The following BCAS3 variants were observed in gnomAD, a reference collection of about 807,000 sequenced individuals.
BCAS3 encodes BCAS3 microtubule associated cell migration factor, also known as BCAS4/BCAS3 fusion.
A neutral mutation model predicts 116.1 loss-of-function variants in BCAS3; 53 were observed. That is an observed-to-expected ratio of 0.46 (90% CI 0.37 to 0.57). The LOEUF (loss-of-function observed/expected upper bound fraction) is 0.57. Among genes scored for constraint, BCAS3 ranks in the 20% least tolerant of loss-of-function variants. The pLI is 0.00. For missense variants in BCAS3, 917 were observed against 1,165.4 expected (o/e 0.79, Z 3.10); for synonymous variants, 391 against 408.2 (o/e 0.96, Z 0.51).
At chr17:60,752,155 G>GGTGTGTGT (rs55713453) in intron 6 of BCAS3, among the ~76,000 whole-genome samples, 41 of 144,748 alleles carry the variant, frequency 2.8e-4, no homozygotes, top group Admixed American at 1.3e-3. Flanking sequence ...TTGGCTGAAG[G>GGTGTGTGT]GTGTGTGTGT....
intron 6 of BCAS3, among the ~76,000 whole-genome samples, chr17:60,752,148 G>T (rs1319994747): frequency 7.6e-6 from 1 of 131,592 alleles, no homozygotes; most frequent in Non-Finnish European, 1.6e-5. Context: ...ACATGTATTG[G>T]CTGAAGGGTG....
chr17:60,725,377 C>T (rs1239414746), intron 5 of BCAS3, among the ~76,000 whole-genome samples: 1 of 152,166 alleles, frequency 6.6e-6, no homozygotes, highest in African/African-American at 2.4e-5. Context: ...GCCCTTCTTG[C>T]TAACATCTAT....
Position 61,007,354 on chromosome 17 carries a change from C to G in BCAS3, c.1487-8397C>G, listed in dbSNP as rs1251686050. Among the ~76,000 whole-genome samples, 1 of 151,952 alleles carries G rather than the reference C, an allele frequency of 6.6e-6. No individual in the cohort carries two copies. Among genetic ancestry groups the G allele is most frequent in the Non-Finnish European group, 1.5e-5 (1 of 67,950 alleles). On this transcript the variant is annotated intron_variant, in intron 15 of 23. Coordinates refer to ENST00000407086, the MANE Select transcript of BCAS3 (RefSeq NM_017679.5). The surrounding 1 kb of genome is among the most constrained non-coding windows in gnomAD (Gnocchi z 4.3). ...CTTGCTGTACTTAGAATTTTAGCAACAGGAATTATTTCTTTATGACTTTTA... is the reference window on the plus strand; with the variant it reads ...CTTGCTGTACTTAGAATTTTAGCAAGAGGAATTATTTCTTTATGACTTTTA...
In BCAS3 at chr17:61,044,465, A is replaced by AAAAAAAAAAAAAATATAT; in HGVS notation, c.2029+3574_2029+3575insAAAAAAAAAAAATATATA. 1.5e-3 allele frequency among the ~76,000 whole-genome samples: 180 copies of AAAAAAAAAAAAAATATAT among 120,036 alleles called. 1 individual carries two copies. Among genetic ancestry groups the AAAAAAAAAAAAAATATAT allele is most frequent in the African/African-American group, 8.6e-3 (172 of 19,974 alleles). The allele number at this position is 120,036 out of a possible 152,430, so 78.7% of individuals were successfully genotyped here. A position where few individuals can be genotyped will look rare whatever the true frequency, so the allele number is the denominator to read the frequency against. ...CTGTCTCAAAAAAAAAAAAAAAAAA[A>AAAAAAAAAAAAAATATAT]ATATATATATATATGCCATAAGAAC... On this transcript the variant is annotated intron_variant, in intron 19 of 23. Transcript: ENST00000407086.
At position 61,309,227 on chromosome 17, in the gene BCAS3, C is replaced by G. The variant is rs1414056301; in HGVS notation, c.2426-59100C>G. 3.9e-5 allele frequency among the ~76,000 whole-genome samples: 6 copies of G among 152,218 alleles called. No homozygotes were observed. Among genetic ancestry groups the G allele is most frequent in the Non-Finnish European group, 7.3e-5 (5 of 68,038 alleles). On this transcript the variant is annotated intron_variant, in intron 22 of 23. Coordinates refer to ENST00000407086, the MANE Select transcript of BCAS3 (RefSeq NM_017679.5). This position sits in a 1 kb window ranked among gnomAD's most constrained non-coding sequence, Gnocchi z 4.6. ...ACGTATAAGGGAATTAGATAACTCT[C>G]TACGTGATTTGCAAACACCTCAAAA...
chr17:60,790,584 C>G (rs563819801), intron 6 of BCAS3, among the ~76,000 whole-genome samples: 1 of 152,116 alleles, frequency 6.6e-6, no homozygotes, highest in East Asian at 1.9e-4. Context: ...AATGGCACAC[C>G]ATGTACAGTA....
chr17:60,930,914 G>A (rs986765481), intron 13 of BCAS3, among the ~76,000 whole-genome samples: 1 of 152,180 alleles, frequency 6.6e-6, no homozygotes, highest in African/African-American at 2.4e-5. Context: ...ACTGCAAAAC[G>A]AATTTAGGAG....
At chr17:60,999,546 C>CAAAAAAA (rs1021249439) in intron 15 of BCAS3, among the ~76,000 whole-genome samples, 1 of 62,854 alleles carries the variant, frequency 1.6e-5, no homozygotes, top group Non-Finnish European at 3.9e-5. Context: ...GACTGTGTCT[C>CAAAAAAA]AAAAAAAAAA....
Position 61,268,434 on chromosome 17 carries a change from T to A in BCAS3, c.2426-99893T>A, listed in dbSNP as rs368671370. On this transcript the variant is annotated intron_variant, in intron 22 of 23. Coordinates refer to ENST00000407086, the MANE Select transcript of BCAS3 (RefSeq NM_017679.5). ...TTAAATTGTCATATAAAAGAAAATA[T>A]AACATTATCATCTTAAGTGTCCACT... 1.4e-4 allele frequency among the ~76,000 whole-genome samples: 21 copies of A among 152,296 alleles called. No homozygotes were observed. The East Asian group carries it at 3.5e-3, about 25-fold the overall frequency.
At position 61,349,419 on chromosome 17, in the gene BCAS3, G is replaced by A. The variant is rs1352388596; in HGVS notation, c.2426-18908G>A. ...GGATGGAAATGCTAACCCACTGACC[G>A]AACAGAGTTTCTGAACAACTGAGTG... On this transcript the variant is annotated intron_variant, in intron 22 of 23. Coordinates refer to ENST00000407086, the MANE Select transcript of BCAS3 (RefSeq NM_017679.5). This position sits in a 1 kb window ranked among gnomAD's most constrained non-coding sequence, Gnocchi z 4.7. Among the ~76,000 whole-genome samples the A allele has an allele frequency of 1.3e-5, 2 of 152,136 alleles. No individual in the cohort carries two copies. The highest frequency in any genetic ancestry group is 2.4e-5 in the African/African-American group (1 of 41,426).
chr17:61,262,528 G>A (rs1270083477), intron 22 of BCAS3, among the ~76,000 whole-genome samples: 12 of 151,968 alleles, frequency 7.9e-5, no homozygotes, highest in African/African-American at 2.4e-4. Context: ...TTACAGGCAC[G>A]CACCACTGCG....
intron 22 of BCAS3, among the ~76,000 whole-genome samples, chr17:61,201,092 C>T (rs975837662): frequency 6.6e-6 from 1 of 151,988 alleles, no homozygotes; most frequent in Non-Finnish European, 1.5e-5. Flanking sequence ...TCTTTTAAAA[C>T]ATTAAGATAA....
At chr17:60,918,855 A>G (rs2058919942) in intron 12 of BCAS3, among the ~76,000 whole-genome samples, 1 of 151,724 alleles carries the variant, frequency 6.6e-6, no homozygotes, top group Admixed American at 6.6e-5. Context: ...ACAATGCCCA[A>G]CTAATTTTGT....
intron 22 of BCAS3, among the ~76,000 whole-genome samples, chr17:61,190,128 G>A (rs1438954399): frequency 6.6e-6 from 1 of 152,186 alleles, no homozygotes; most frequent in Non-Finnish European, 1.5e-5. Flanking sequence ...GAGGACAGAA[G>A]TAGTCATTGC....
At chr17:61,299,454 A>G (rs1026102559) in intron 22 of BCAS3, among the ~76,000 whole-genome samples, 1 of 149,254 alleles carries the variant, frequency 6.7e-6, no homozygotes, top group African/African-American at 2.5e-5. Context: ...AAAAAAAAAA[A>G]AAAAAAAAAA....
rs557967285 is a variant in BCAS3 at position 60,995,589 on chromosome 17, C to T, written c.1486+5354C>T. Among the ~76,000 whole-genome samples the T allele has an allele frequency of 1.2e-4, 18 of 152,258 alleles. 1 individual carries two copies. The highest frequency in any genetic ancestry group is 1.0e-3 in the South Asian group (5 of 4,828). ...CTGGGATTACAAGCGTGAACCACCGCGCCCGACCAGTTTCTAAGGCTTTAA... is the reference window on the plus strand; with the variant it reads ...CTGGGATTACAAGCGTGAACCACCGTGCCCGACCAGTTTCTAAGGCTTTAA... On this transcript the variant is annotated intron_variant, in intron 15 of 23. Transcript: ENST00000407086. The surrounding 1 kb of genome is among the most constrained non-coding windows in gnomAD (Gnocchi z 4.7).
intron 22 of BCAS3, among the ~76,000 whole-genome samples, chr17:61,179,860 T>TTC (rs965020635): frequency 1.5e-4 from 22 of 147,026 alleles, no homozygotes; most frequent in South Asian, 4.4e-4. Context: ...ATCACTGTTT[T>TTC]TCTCTCTCTC....
At chr17:61,110,409 G>A (rs1437388259) in intron 22 of BCAS3, among the ~76,000 whole-genome samples, 1 of 152,240 alleles carries the variant, frequency 6.6e-6, no homozygotes, top group Non-Finnish European at 1.5e-5. Flanking sequence ...GCCGAAGCAG[G>A]GCGAGGCATT....
intron 22 of BCAS3, among the ~76,000 whole-genome samples, chr17:61,202,762 C>G (rs1235711927): frequency 6.6e-6 from 1 of 152,170 alleles, no homozygotes; most frequent in Non-Finnish European, 1.5e-5. Context: ...CTCAGAAAAA[C>G]AACTCAAAAG....
Sources: gnomAD v4.1 joint callset for allele counts (sites outside exome capture counted in the v4.1 genomes callset) on GRCh38, gnomAD v4.1.1 for gene constraint, Gnocchi (gnomAD v3.1) non-coding constraint, MANE v1.5 for transcripts, NCBI Gene and HGNC (gene_info 2026-07-23, HGNC 2026-07-21) for gene names.